The following DOT1L variants were observed in gnomAD, a reference collection of about 807,000 sequenced individuals.
DOT1L encodes histone-lysine N-methyltransferase, H3 lysine-79 specific.
A neutral mutation model predicts 153.3 loss-of-function variants in DOT1L; 33 were observed. That is an observed-to-expected ratio of 0.22 (90% CI 0.16 to 0.29). DOT1L has a LOEUF of 0.29. Among genes scored for constraint, DOT1L ranks in the 10% least tolerant of loss-of-function variants. DOT1L has a pLI of 1.00. For missense variants in DOT1L, 1,847 were observed against 2,119.9 expected (o/e 0.87, Z 2.53); for synonymous variants, 1,135 against 965.1 (o/e 1.18, Z -3.26).
At chr19:2,221,413 C>T (rs1368367822) in intron 23 of DOT1L, 1 of 153,394 alleles carries the variant, frequency 6.5e-6, no homozygotes, top group African/African-American at 2.4e-5. Flanking sequence ...ACAGCCAACT[C>T]CAGAAGCGCC....
chr19:2,210,914 C>G (rs1039653092), intron 14 of DOT1L, 59 bp downstream of exon 14: 1 of 1,580,494 alleles, frequency 6.3e-7, no homozygotes, highest in Non-Finnish European at 8.6e-7. Flanking sequence ...CTGGGGTCCC[C>G]TCTGCTGGGA....
chr19:2,226,172 C>T lies in DOT1L; in HGVS notation c.3662-11C>T. The T allele has an allele frequency of 6.6e-7, 1 of 1,513,844 alleles. No homozygotes were observed. Among genetic ancestry groups the T allele is most frequent in the Middle Eastern group, 1.8e-4 (1 of 5,616 alleles). 93.8% of individuals were successfully genotyped at this position (1,513,844 alleles called of 1,614,324 possible). A position where few individuals can be genotyped will look rare whatever the true frequency, so the allele number is the denominator to read the frequency against. On this transcript the variant is annotated splice_polypyrimidine_tract_variant and intron_variant, in intron 26 of 27. Transcript: ENST00000398665. ...TCTGGGCTCACGGCTTCTGCCTTTC[C>T]TCTTTGCCAGGTGGTGGCTTGGCGG...
rs1183786009 is a variant in DOT1L at position 2,211,760 on chromosome 19, A to C, written c.1475A>C (p.Lys492Thr). 1 of 1,564,254 alleles carries C rather than the reference A, an allele frequency of 6.4e-7. No individual in the cohort carries two copies. Residue 492 changes from lysine (K) to threonine (T), a missense_variant, in exon 16 of 28, where the codon AAG (lysine) becomes ACG (threonine). Lys to Thr is a moderately conservative substitution (Grantham distance 78). Coordinates refer to ENST00000398665, the MANE Select transcript of DOT1L (RefSeq NM_032482.3). ...PALQKLLESF[K>T]IQYLQFLAYT... ...CCGCCTCTCTTCCCAGAGTCCTTCA[A>C]GATCCAGTACCTGCAGTTCCTGGCA...
rs2023904706 is a variant in DOT1L, at chr19:2,216,471, G to A, written c.2114G>A (p.Ser705Asn). 10 of 1,612,584 alleles carry A rather than the reference G, an allele frequency of 6.2e-6. No homozygotes were observed. Among genetic ancestry groups the A allele is most frequent in the Non-Finnish European group, 8.5e-6 (10 of 1,179,968 alleles). ...ACCAAGTTCTCGCTGCCTCACTTGA[G>A]CAGCATGAGCCCGGAGCTCTCCATG... ...DCTKFSLPHL[S>N]SMSPELSMNG... Residue 705 changes from serine (S) to asparagine (N), a missense_variant, in exon 20 of 28, where the codon AGC (serine) becomes AAC (asparagine). By Grantham distance (46) the Ser-to-Asn change is conservative. Coordinates refer to ENST00000398665, the MANE Select transcript of DOT1L (RefSeq NM_032482.3).
Position 2,222,201 on chromosome 19 carries a change from G to T in DOT1L, c.3032G>T (p.Arg1011Leu). ...GCCCACCAGCTCTCCTCCAGTCCCCGGCTTGGTGGGGCCGCCCAGGGCCCG... is the reference window on the plus strand; with the variant it reads ...GCCCACCAGCTCTCCTCCAGTCCCCTGCTTGGTGGGGCCGCCCAGGGCCCG... The part of the protein sequence containing the change: ...SPAHQLSSSP[R>L]LGGAAQGPLP... Residue 1011 changes from arginine to leucine, a missense_variant, in exon 24 of 28, where the codon CGG becomes CTG. Arg to Leu is a moderately radical substitution (Grantham distance 102). This residue lies in a region of DOT1L where 934 missense variants were observed against 825.3 expected (regional missense o/e 1.13). Transcript: ENST00000398665. This position sits in a 1 kb window ranked among gnomAD's most constrained non-coding sequence, Gnocchi z 6.5. 6.2e-7 allele frequency: 1 copy of T among 1,613,050 alleles called. No individual in the cohort carries two copies. The highest frequency in any genetic ancestry group is 1.1e-5 in the South Asian group (1 of 91,068).
rs753844479 is a variant in DOT1L, at chr19:2,227,860, C to G, written c.4606+733C>G. The G allele has an allele frequency of 2.6e-5, 33 of 1,282,006 alleles. No homozygotes were observed. The Admixed American group carries it at 6.1e-4, about 24-fold the overall frequency. The allele number at this position is 1,282,006 out of a possible 1,614,324, so 79.4% of individuals were successfully genotyped here. ...CCGCTGCAGGCGGCGGCCAGCGCCT[C>G]GGCCTCTTCCTTTCAGGCCCCGGCC... On this transcript the variant is annotated intron_variant, in intron 27 of 27. Coordinates refer to ENST00000398665, the MANE Select transcript of DOT1L (RefSeq NM_032482.3).
At chr19:2,206,894 T>G (rs890741050) in intron 10 of DOT1L, 97 bp downstream of exon 10, 2 of 1,258,924 alleles carry the variant, frequency 1.6e-6, no homozygotes, top group Admixed American at 3.5e-5. Flanking sequence ...CTGTGGACAC[T>G]GGGGCTGGAT....
At chr19:2,227,298 A>G (rs2024393086) in intron 27 of DOT1L, 171 bp downstream of exon 27, 6 of 875,948 alleles carry the variant, frequency 6.8e-6, no homozygotes, top group African/African-American at 1.7e-5. Context: ...CTGTGGGGAG[A>G]GGGCTCACGC....
chr19:2,212,594 C>T (rs1042362261), intron 16 of DOT1L: 2 of 152,238 alleles, frequency 1.3e-5, no homozygotes, highest in Non-Finnish European at 2.9e-5. Flanking sequence ...AAAGCCAGCT[C>T]TTTTGCAGGC....
At chr19:2,216,242 C>T in intron 19 of DOT1L, 39 bp from the exon 20 acceptor site, 4 of 1,530,604 alleles carry the variant, frequency 2.6e-6, no homozygotes, top group Middle Eastern at 1.8e-4. Flanking sequence ...GGAGTGGTCC[C>T]CCGGTGGGGC....
Position 2,220,674 on chromosome 19 carries a change from G to C in DOT1L, c.2806+452G>C. ...AGTCTCTGCTGTTAGCCCAGTTTCT[G>C]CAGAGAGCCAGAGAGGATGCCACTT... On this transcript the variant is annotated intron_variant, in intron 23 of 27. Transcript: ENST00000398665. This position sits in a 1 kb window ranked among gnomAD's most constrained non-coding sequence, Gnocchi z 4.5. The C allele has an allele frequency of 2.6e-6, 1 of 380,504 alleles. No individual in the cohort carries two copies. Among genetic ancestry groups the C allele is most frequent in the Non-Finnish European group, 5.3e-6 (1 of 189,522 alleles). The allele number at this position is 380,504 out of a possible 1,614,324, so 23.6% of individuals were successfully genotyped here.
At chr19:2,196,726 G>A (rs963749806) in intron 7 of DOT1L, among the ~76,000 whole-genome samples, 1 of 152,038 alleles carries the variant, frequency 6.6e-6, no homozygotes, top group Non-Finnish European at 1.5e-5. Flanking sequence ...TCCCTTTCCC[G>A]TACCCTCGTG....
chr19:2,217,016 A>C lies in DOT1L; in HGVS notation c.2470A>C (p.Lys824Gln). The C allele has an allele frequency of 6.2e-7, 1 of 1,613,150 alleles. No homozygotes were observed. The highest frequency in any genetic ancestry group is 8.5e-7 in the Non-Finnish European group (1 of 1,179,902). Residue 824 changes from lysine to glutamine, a missense_variant, in exon 21 of 28, where the codon AAG (lysine) becomes CAG (glutamine). Coordinates refer to ENST00000398665, the MANE Select transcript of DOT1L (RefSeq NM_032482.3). The surrounding 1 kb of genome is among the most constrained non-coding windows in gnomAD (Gnocchi z 7.3). The part of the protein sequence containing the change: ...YQSPSVPGSM[K>Q]LSPQDPRPLS... ...GAGCCCCAGCGTGCCTGGCAGCATG[A>C]AGCTGAGCCCTCAGGACCCGCGGCC...
chr19:2,216,398 C>T lies in DOT1L; in HGVS notation c.2041C>T (p.Arg681Cys), dbSNP rs1386157480. 45 of 1,612,268 alleles carry T rather than the reference C, an allele frequency of 2.8e-5. No individual in the cohort carries two copies. Among genetic ancestry groups the T allele is most frequent in the East Asian group, 8.9e-5 (4 of 44,892 alleles). ...CCTGCGTGGGAAGGGCGCCCTGGGC[C>T]GCGAGCTGGAGCCTGACGCCAGCCG... Reference protein sequence around the residue: ...LHLRGKGALGRELEPDASRLH... With the variant: ...LHLRGKGALGCELEPDASRLH... Residue 681 changes from arginine to cysteine, a missense_variant, in exon 20 of 28, where the codon CGC (arginine) becomes TGC (cysteine). This residue lies in a region of DOT1L where 281 missense variants were observed against 263.6 expected (regional missense o/e 1.07). Coordinates refer to ENST00000398665, the MANE Select transcript of DOT1L (RefSeq NM_032482.3).
chr19:2,181,474 G>A (rs987260421), intron 2 of DOT1L, among the ~76,000 whole-genome samples: 1 of 152,190 alleles, frequency 6.6e-6, no homozygotes, highest in African/African-American at 2.4e-5. Flanking sequence ...GTGGCTCTGT[G>A]CCAGGCCCCT....
chr19:2,192,054 C>T (rs2022818493), intron 5 of DOT1L, among the ~76,000 whole-genome samples: 1 of 152,210 alleles, frequency 6.6e-6, no homozygotes, highest in Admixed American at 6.5e-5. Flanking sequence ...GGCCCCTTCT[C>T]CACAGTGTCT....
At chr19:2,210,564 A>T in intron 13 of DOT1L, 54 bp downstream of exon 13, 1 of 1,591,690 alleles carries the variant, frequency 6.3e-7, no homozygotes, top group Non-Finnish European at 8.6e-7. Context: ...CCTGCCCGGG[A>T]GACCCCATGG....
chr19:2,170,371 T>A (rs2021547803), intron 1 of DOT1L, among the ~76,000 whole-genome samples: 1 of 152,182 alleles, frequency 6.6e-6, no homozygotes, highest in South Asian at 2.1e-4. Flanking sequence ...CATGCCTCAC[T>A]GGGCACGGAC....
At chr19:2,196,713 C>T (rs984189166) in intron 7 of DOT1L, among the ~76,000 whole-genome samples, 1 of 152,206 alleles carries the variant, frequency 6.6e-6, no homozygotes, top group Non-Finnish European at 1.5e-5. Flanking sequence ...TGTGCCTTTC[C>T]TCTCCCTTTC....
Sources: gnomAD v4.1 joint callset for allele counts (sites outside exome capture counted in the v4.1 genomes callset) on GRCh38, gnomAD v4.1.1 for gene constraint, gnomAD v4.1.1 regional missense constraint, Gnocchi (gnomAD v3.1) non-coding constraint, MANE v1.5 for transcripts, NCBI Gene and HGNC (gene_info 2026-07-23, HGNC 2026-07-21) for gene names.